Variants in ERBB4 observed in about 807,000 individuals in gnomAD.
ERBB4 encodes receptor tyrosine-protein kinase erbB-4.
In ERBB4, 42 loss-of-function variants were observed where a neutral mutation model predicts 158.0. That is an observed-to-expected ratio of 0.27 (90% CI 0.21 to 0.34). The LOEUF is 0.34. Ranked by LOEUF, ERBB4 falls within the 10% of genes least tolerant of loss-of-function variation. The pLI is 1.00. For synonymous variants in ERBB4, 583 were observed against 558.7 expected, an observed-to-expected ratio of 1.04 and a Z score of -0.61; for missense variants, 1,333 against 1,624.1, an observed-to-expected ratio of 0.82 and a Z score of 3.08.
intron 25 of ERBB4, among the ~76,000 whole-genome samples, chr2:211,400,178 T>G (rs1376237340): frequency 6.6e-6 from 1 of 152,070 alleles, no homozygotes; most frequent in Non-Finnish European, 1.5e-5. Context: ...TCTCTAAGCT[T>G]AGGGTTCTCA....
intron 1 of ERBB4, among the ~76,000 whole-genome samples, chr2:212,320,390 C>T (rs548163611): frequency 6.8e-6 from 1 of 147,880 alleles, no homozygotes; most frequent in South Asian, 2.2e-4. Flanking sequence ...AGAAAATGTA[C>T]TCTGATCCTC....
intron 3 of ERBB4, among the ~76,000 whole-genome samples, chr2:211,894,458 G>T: frequency 6.8e-6 from 1 of 147,548 alleles, no homozygotes; most frequent in East Asian, 2.0e-4. Flanking sequence ...TATACCTAAT[G>T]CTAGATGACG....
At chr2:212,107,553 T>C (rs900919173) in intron 2 of ERBB4, among the ~76,000 whole-genome samples, 1 of 152,188 alleles carries the variant, frequency 6.6e-6, no homozygotes, top group African/African-American at 2.4e-5. Context: ...ACTTTTGATT[T>C]GACACTGAAA....
intron 2 of ERBB4, among the ~76,000 whole-genome samples, chr2:211,950,070 C>A (rs1347352478): frequency 1.3e-5 from 2 of 152,080 alleles, no homozygotes; most frequent in African/African-American, 4.8e-5. Context: ...CTGTACAATG[C>A]CTGTGGAGTG....
At chr2:211,970,749 T>G (rs1418949173) in intron 2 of ERBB4, among the ~76,000 whole-genome samples, 1 of 152,206 alleles carries the variant, frequency 6.6e-6, no homozygotes, top group Admixed American at 6.5e-5. Flanking sequence ...TTCCATCCCT[T>G]TATTTTGAGC....
In ERBB4 at chr2:211,574,504, C is replaced by T. The variant is rs1273219008; in HGVS notation, c.2302-12416G>A. Among the ~76,000 whole-genome samples the T allele has an allele frequency of 3.3e-5, 5 of 152,266 alleles. No individual in the cohort carries two copies. In the South Asian group the frequency reaches 8.3e-4, roughly 25 times the overall value. ...GAATTCTTGTAGTTTTAGGCATAGG[C>T]AGTTTACAGTTTACTTATTAATCTT... On this transcript the variant is annotated intron_variant, in intron 19 of 27. Transcript: ENST00000342788.
At chr2:212,110,368 C>A (rs2079367552) in intron 2 of ERBB4, among the ~76,000 whole-genome samples, 1 of 152,188 alleles carries the variant, frequency 6.6e-6, no homozygotes, top group African/African-American at 2.4e-5. Context: ...GACTTCTTTC[C>A]TGTTACCATA....
In ERBB4 at chr2:212,470,441, A is replaced by G. The variant is rs1689061372; in HGVS notation, c.82+68008T>C. 2.0e-5 allele frequency among the ~76,000 whole-genome samples: 3 copies of G among 152,234 alleles called. No homozygotes were observed. In the South Asian group the frequency reaches 6.2e-4, roughly 32 times the overall value. ...ACCAACTCCTCCCAGCCACACATACAGTTTTACAATGAGACCTGGGCCAAT... is the reference window on the plus strand; with the variant it reads ...ACCAACTCCTCCCAGCCACACATACGGTTTTACAATGAGACCTGGGCCAAT... On this transcript the variant is annotated intron_variant, in intron 1 of 27. Coordinates refer to ENST00000342788, the MANE Select transcript of ERBB4 (RefSeq NM_005235.3).
At chr2:211,666,047 A>G (rs1187933438) in intron 14 of ERBB4, among the ~76,000 whole-genome samples, 3 of 152,222 alleles carry the variant, frequency 2.0e-5, no homozygotes, top group Non-Finnish European at 2.9e-5. Context: ...CTTTGGTTGT[A>G]CAATGACTTT....
chr2:212,069,938 T>G (rs1247910779), intron 2 of ERBB4, among the ~76,000 whole-genome samples: 1 of 150,974 alleles, frequency 6.6e-6, no homozygotes, highest in Non-Finnish European at 1.5e-5. Context: ...GGCAACATAG[T>G]AAGAACCATG....
rs182160122 is a variant in ERBB4 at position 212,301,937 on chromosome 2, C to T, written c.83-177034G>A. ...GATAAAAGACTTTCAAGAAATGCAA[C>T]GCTATTGAGAAGGGTAACATTGGCA... is the stretch of plus-strand genomic sequence containing the variant. On this transcript the variant is annotated intron_variant, in intron 1 of 27. Transcript: ENST00000342788. Among the ~76,000 whole-genome samples the T allele has an allele frequency of 2.1e-3, 314 of 151,466 alleles. 1 individual carries two copies. Among genetic ancestry groups the T allele is most frequent in the Admixed American group, 4.8e-3 (73 of 15,162 alleles).
At chr2:212,019,731 C>G (rs1351069020) in intron 2 of ERBB4, among the ~76,000 whole-genome samples, 1 of 122,244 alleles carries the variant, frequency 8.2e-6, no homozygotes, top group Non-Finnish European at 1.6e-5. Context: ...CCACTGCATC[C>G]AGCCTGGAAA....
intron 1 of ERBB4, among the ~76,000 whole-genome samples, chr2:212,364,100 A>G (rs541872314): frequency 6.6e-6 from 1 of 151,834 alleles, no homozygotes; most frequent in South Asian, 2.1e-4. Flanking sequence ...TCATATCTCA[A>G]TTCTGGGCTG....
At position 211,428,328 on chromosome 2, in the gene ERBB4, TTA is replaced by T. The variant is rs1574471859; in HGVS notation, c.2719+78_2719+79del. 17 of 823,970 alleles carry T rather than the reference TTA, an allele frequency of 2.1e-5. No homozygotes were observed. The East Asian group carries it at 4.2e-4, about 20-fold the overall frequency. The allele number at this position is 823,970 out of a possible 1,614,324, so 51.0% of individuals were successfully genotyped here. On this transcript the variant is annotated intron_variant, in intron 22 of 27. Transcript: ENST00000342788. ...GGTATTTATAACACAACAAAATAAT[TTA>T]GCTTAAGATATTTCACATGAACTTA...
intron 1 of ERBB4, among the ~76,000 whole-genome samples, chr2:212,311,873 G>C (rs541716522): frequency 6.6e-6 from 1 of 150,920 alleles, no homozygotes; most frequent in African/African-American, 2.4e-5. Context: ...GTGCACAAGA[G>C]AAATCTATTA....
intron 20 of ERBB4, among the ~76,000 whole-genome samples, chr2:211,462,257 C>G (rs886203307): frequency 2.6e-5 from 4 of 152,130 alleles, no homozygotes; most frequent in South Asian, 2.1e-4. Context: ...AACTCACACA[C>G]TATCATGAGC....
At chr2:212,147,157 ATTTTTTTTTTTTTTTT>A (rs71397161) in intron 1 of ERBB4, among the ~76,000 whole-genome samples, 7 of 34,262 alleles carry the variant, frequency 2.0e-4, no homozygotes, top group South Asian at 3.0e-3. Flanking sequence ...TGCCCAGCTA[ATTTTTTTTTTTTTTTT>A]TTTTTTTTTT....
intron 19 of ERBB4, among the ~76,000 whole-genome samples, chr2:211,578,419 C>T (rs898623140): frequency 2.6e-5 from 4 of 152,080 alleles, no homozygotes; most frequent in Non-Finnish European, 4.4e-5. Flanking sequence ...CATTAAACTA[C>T]CATTGACATT....
intron 3 of ERBB4, among the ~76,000 whole-genome samples, chr2:211,872,635 A>G (rs1348734944): frequency 6.6e-6 from 1 of 152,190 alleles, no homozygotes; most frequent in East Asian, 1.9e-4. Context: ...AAAGGTCAAT[A>G]TGGTATGATA....
Sources: allele counts gnomAD v4.1 joint callset (sites outside exome capture counted in the v4.1 genomes callset), GRCh38; gene constraint gnomAD v4.1.1; transcripts MANE v1.5; gene names NCBI Gene and HGNC (gene_info 2026-07-23, HGNC 2026-07-21).